The following FTCDNL1 variants were observed in gnomAD, a reference collection of about 807,000 sequenced individuals.
FTCDNL1 encodes the protein formiminotransferase N-terminal subdomain-containing protein.
Under a neutral mutation model 5.9 loss-of-function variants are expected in FTCDNL1, and 11 were observed. The ratio of observed to expected loss-of-function variants is 1.87; its 90% CI spans 1.18 to 3.10. The LOEUF (loss-of-function observed/expected upper bound fraction) is 3.10, where lower values mean the gene tolerates loss of function less well. FTCDNL1 is among the 30% of genes most tolerant of loss of function. The pLI, the probability that FTCDNL1 is intolerant of heterozygous loss-of-function variation, is 0.00. For synonymous variants in FTCDNL1, 58 were observed against 24.8 expected (o/e 2.34, Z -3.99); for missense variants, 115 against 65.5 (o/e 1.76, Z -2.61).
At chr2:199,701,225 A>T in the FTCDNL1 span, among the ~76,000 whole-genome samples, 1 of 151,126 alleles carries the variant, frequency 6.6e-6, no homozygotes, top group Non-Finnish European at 1.5e-5. Flanking sequence ...GTCGCTAATC[A>T]TTAAAGAAAT....
At chr2:199,729,004 C>G in the FTCDNL1 span, among the ~76,000 whole-genome samples, 1 of 152,078 alleles carries the variant, frequency 6.6e-6, no homozygotes, top group Non-Finnish European at 1.5e-5. Context: ...CAGCTGTTGT[C>G]AAAAATATGG....
intron 3 of FTCDNL1, among the ~76,000 whole-genome samples, chr2:199,795,327 T>G (rs540995256): frequency 6.6e-6 from 1 of 152,328 alleles, no homozygotes; most frequent in South Asian, 2.1e-4. Flanking sequence ...ATTGCAGGTT[T>G]CTTCCAGCTG....
At chr2:199,765,110 T>G (rs981814401) in intron 3 of FTCDNL1, among the ~76,000 whole-genome samples, 1 of 152,158 alleles carries the variant, frequency 6.6e-6, no homozygotes, top group Non-Finnish European at 1.5e-5. Context: ...GAGGAATGAA[T>G]AGGCAGTGCA....
At chr2:199,766,769 C>CA (rs1454925267) in intron 3 of FTCDNL1, among the ~76,000 whole-genome samples, 1 of 152,130 alleles carries the variant, frequency 6.6e-6, no homozygotes, top group Admixed American at 6.5e-5. Flanking sequence ...AAAGTACTCT[C>CA]TATTGATCAA....
At chr2:199,729,380 G>A in the FTCDNL1 span, among the ~76,000 whole-genome samples, 2 of 152,174 alleles carry the variant, frequency 1.3e-5, no homozygotes, top group Non-Finnish European at 2.9e-5. Context: ...AGAAATAAAA[G>A]GTGTTCAAAT....
chr2:199,747,622 T>C, the FTCDNL1 span, among the ~76,000 whole-genome samples: 1 of 150,160 alleles, frequency 6.7e-6, no homozygotes, highest in Admixed American at 6.7e-5. Context: ...TTACAGACCT[T>C]GGATCACATC....
chr2:199,769,237 G>A (rs77106226), intron 3 of FTCDNL1, among the ~76,000 whole-genome samples: 176 of 152,196 alleles, frequency 1.2e-3, no homozygotes, highest in African/African-American at 4.0e-3. Context: ...GGAGTGATGT[G>A]GTTTGGCTGT....
the FTCDNL1 span, among the ~76,000 whole-genome samples, chr2:199,737,015 C>T: frequency 6.6e-6 from 1 of 152,262 alleles, no homozygotes; most frequent in East Asian, 1.9e-4. Context: ...GGCTGCCAGA[C>T]TGCTGAGCCA....
the FTCDNL1 span, among the ~76,000 whole-genome samples, chr2:199,729,585 G>T: frequency 6.6e-6 from 1 of 152,104 alleles, no homozygotes; most frequent in Non-Finnish European, 1.5e-5. Flanking sequence ...CAAATAATGA[G>T]TGACTTCCCA....
chr2:199,807,559 C>G (rs1227776163), downstream of FTCDNL1, among the ~76,000 whole-genome samples: 1 of 152,096 alleles, frequency 6.6e-6, no homozygotes, highest in African/African-American at 2.4e-5. Flanking sequence ...GTCCCTTGAA[C>G]CTGGAAGGTG....
chr2:199,813,935 A>T, intron 4 of FTCDNL1, among the ~76,000 whole-genome samples: 1 of 84,244 alleles, frequency 1.2e-5, no homozygotes, highest in Non-Finnish European at 2.6e-5. Flanking sequence ...AAAAAAAAAA[A>T]AAAAAAAATA....
At chr2:199,813,169 G>A (rs1428873238) in intron 4 of FTCDNL1, among the ~76,000 whole-genome samples, 1 of 152,182 alleles carries the variant, frequency 6.6e-6, no homozygotes, top group Non-Finnish European at 1.5e-5. Flanking sequence ...AAAGATGCTT[G>A]TGGTAGGACC....
chr2:199,706,905 C>T, the FTCDNL1 span, among the ~76,000 whole-genome samples: 2 of 152,306 alleles, frequency 1.3e-5, no homozygotes, highest in Admixed American at 6.5e-5. Context: ...GGACATCCCC[C>T]GTAGGGCTAT....
the FTCDNL1 span, among the ~76,000 whole-genome samples, chr2:199,753,301 G>A: frequency 1.3e-5 from 2 of 152,140 alleles, no homozygotes; most frequent in African/African-American, 4.8e-5. Context: ...AGCATTTCAG[G>A]TGAGGCAGCA....
chr2:199,795,316 T>C (rs950616909), intron 3 of FTCDNL1, among the ~76,000 whole-genome samples: 3 of 152,182 alleles, frequency 2.0e-5, no homozygotes, highest in Admixed American at 2.0e-4. Flanking sequence ...AGAGAGGAGT[T>C]ATTGCAGGTT....
the FTCDNL1 span, among the ~76,000 whole-genome samples, chr2:199,699,951 T>C: frequency 6.6e-6 from 1 of 152,162 alleles, no homozygotes; most frequent in African/African-American, 2.4e-5. Context: ...CCATACTGAA[T>C]GAGCAAAAGC....
intron 3 of FTCDNL1, among the ~76,000 whole-genome samples, chr2:199,832,970 A>AT (rs201062391): frequency 2.1e-3 from 304 of 142,966 alleles, no homozygotes; most frequent in Middle Eastern, 3.7e-3. Flanking sequence ...CAGCTCCCTA[A>AT]TTTTTTTTTT....
intron 4 of FTCDNL1, among the ~76,000 whole-genome samples, chr2:199,812,927 T>A (rs980790633): frequency 6.6e-6 from 1 of 152,250 alleles, no homozygotes; most frequent in Admixed American, 6.5e-5. Flanking sequence ...GTTATTTTCT[T>A]GTGTGGAAAC....
chr2:199,801,964 A>G (rs1328694071), intron 3 of FTCDNL1, among the ~76,000 whole-genome samples: 1 of 152,100 alleles, frequency 6.6e-6, no homozygotes, highest in Non-Finnish European at 1.5e-5. Context: ...GAATAAGAAA[A>G]AAATTATTCA....
Sources: gnomAD v4.1 joint callset for allele counts (sites outside exome capture counted in the v4.1 genomes callset) on GRCh38, gnomAD v4.1.1 for gene constraint, MANE v1.5 for transcripts, NCBI Gene and HGNC (gene_info 2026-07-23, HGNC 2026-07-21) for gene names.